RAB39A: variants seen among roughly 807,000 people sequenced by gnomAD.
RAB39A encodes ras-related protein Rab-39A.
In RAB39A, 17 loss-of-function variants were observed where a neutral mutation model predicts 20.9. The observed-to-expected ratio is 0.81, with a 90% CI of 0.56 to 1.22. The LOEUF (loss-of-function observed/expected upper bound fraction) is 1.22. Among genes scored for constraint, RAB39A ranks in the 50% most tolerant of loss-of-function variants. The pLI is 0.00. For missense variants in RAB39A, 234 were observed against 270.5 expected (o/e 0.87, Z 0.95); for synonymous variants, 99 against 103.4 (o/e 0.96, Z 0.26).
chr11:107,936,838 A>G (rs1250393760), intron 1 of RAB39A, among the ~76,000 whole-genome samples: 1 of 151,724 alleles, frequency 6.6e-6, no homozygotes, highest in Non-Finnish European at 1.5e-5. Context: ...AGGCAGGAAA[A>G]TCCCTTGAAC....
intron 1 of RAB39A, among the ~76,000 whole-genome samples, chr11:107,958,541 C>T (rs1385636088): frequency 6.6e-6 from 1 of 152,196 alleles, no homozygotes; most frequent in Non-Finnish European, 1.5e-5. Context: ...AAAAACACTA[C>T]CTGCAGGACA....
chr11:107,957,628 A>T (rs959416521), intron 1 of RAB39A, among the ~76,000 whole-genome samples: 3 of 152,212 alleles, frequency 2.0e-5, no homozygotes, highest in African/African-American at 7.2e-5. Flanking sequence ...CTAGGAGCTT[A>T]TAACCCCGAA....
chr11:107,950,355 T>C (rs974255563), intron 1 of RAB39A, among the ~76,000 whole-genome samples: 2 of 152,222 alleles, frequency 1.3e-5, no homozygotes, highest in Admixed American at 1.3e-4. Flanking sequence ...ATTTGAATGC[T>C]GCCTGGGCAC....
rs4028253 is a variant in RAB39A, at chr11:107,951,615, A to ATTTTTTTT, written c.228-10317_228-10310dup. On this transcript the variant is annotated intron_variant, in intron 1 of 1. Coordinates refer to ENST00000320578, the MANE Select transcript of RAB39A (RefSeq NM_017516.3). ...ATCTATATAATCTTGCCATTTTCAG[A>ATTTTTTTT]TTTTTTTTTTTTTTTTTTTTTGGAG... Among the ~76,000 whole-genome samples, 50 of 105,656 alleles carry ATTTTTTTT rather than the reference A, an allele frequency of 4.7e-4. 1 individual carries two copies. Among genetic ancestry groups the ATTTTTTTT allele is most frequent in the African/African-American group, 1.8e-3 (48 of 27,248 alleles). 69.3% of individuals were successfully genotyped at this position (105,656 alleles called of 152,430 possible). A position where few individuals can be genotyped will look rare whatever the true frequency, so the allele number is the denominator to read the frequency against.
At chr11:107,938,564 T>C (rs200035632) in intron 1 of RAB39A, among the ~76,000 whole-genome samples, 202 of 95,232 alleles carry the variant, frequency 2.1e-3, no homozygotes, top group African/African-American at 7.8e-3. Context: ...ACCTCGTCTA[T>C]AAAAAAAAAA....
chr11:107,951,681 G>T (rs752577852), intron 1 of RAB39A, among the ~76,000 whole-genome samples: 2 of 141,620 alleles, frequency 1.4e-5, no homozygotes, highest in Non-Finnish European at 3.0e-5. Flanking sequence ...ATTCAGTGGC[G>T]CAGTCATAGT....
intron 1 of RAB39A, among the ~76,000 whole-genome samples, chr11:107,933,001 A>G (rs1861153451): frequency 6.6e-6 from 1 of 152,148 alleles, no homozygotes; most frequent in Non-Finnish European, 1.5e-5. Context: ...GCAGTAAAGG[A>G]AACGAGAATA....
intron 1 of RAB39A, among the ~76,000 whole-genome samples, chr11:107,930,097 G>A (rs184528314): frequency 2.6e-5 from 4 of 152,310 alleles, no homozygotes; most frequent in African/African-American, 7.2e-5. Context: ...GAGATAATGA[G>A]TGAACTGCTT....
chr11:107,941,044 G>A (rs1255734011), intron 1 of RAB39A, among the ~76,000 whole-genome samples: 4 of 152,042 alleles, frequency 2.6e-5, no homozygotes, highest in Non-Finnish European at 4.4e-5. Flanking sequence ...GAAGTTCCTA[G>A]CTATAAGAGA....
chr11:107,947,981 T>TACACACAC (rs58579239), intron 1 of RAB39A, among the ~76,000 whole-genome samples: 96 of 148,764 alleles, frequency 6.5e-4, no homozygotes, highest in South Asian at 1.1e-3. Flanking sequence ...TACACACACG[T>TACACACAC]ACACACACAC....
rs1458601874 is a variant in RAB39A, at chr11:107,928,935, G to C, written c.227+140G>C. ...TCGAAAGTGCAAACACTCCATTCTC[G>C]CTTCCCCTTTGCCCCTCCTCTTCCA... On this transcript the variant is annotated intron_variant, in intron 1 of 1. Coordinates refer to ENST00000320578, the MANE Select transcript of RAB39A (RefSeq NM_017516.3). The surrounding 1 kb of genome is among the most constrained non-coding windows in gnomAD (Gnocchi z 4.9). 2 of 561,100 alleles carry C rather than the reference G, an allele frequency of 3.6e-6. No homozygotes were observed. Among genetic ancestry groups the C allele is most frequent in the Non-Finnish European group, 5.9e-6 (2 of 338,422 alleles). The allele number at this position is 561,100 out of a possible 1,614,324, so 34.8% of individuals were successfully genotyped here. A position where few individuals can be genotyped will look rare whatever the true frequency, so the allele number is the denominator to read the frequency against.
At chr11:107,947,514 T>C (rs1375179357) in intron 1 of RAB39A, among the ~76,000 whole-genome samples, 1 of 152,072 alleles carries the variant, frequency 6.6e-6, no homozygotes, top group Non-Finnish European at 1.5e-5. Context: ...AGAGAAATAA[T>C]TAGTAAAGCA....
intron 1 of RAB39A, among the ~76,000 whole-genome samples, chr11:107,953,728 T>C (rs1861405623): frequency 6.6e-6 from 1 of 152,182 alleles, no homozygotes; most frequent in South Asian, 2.1e-4. Context: ...ATTTTCACCC[T>C]TTGCTTCCCA....
chr11:107,951,043 A>G (rs986141122), intron 1 of RAB39A, among the ~76,000 whole-genome samples: 1 of 152,208 alleles, frequency 6.6e-6, no homozygotes, highest in African/African-American at 2.4e-5. Context: ...TCTTGTCAGT[A>G]TATATATGGC....
intron 1 of RAB39A, among the ~76,000 whole-genome samples, chr11:107,955,381 G>A (rs1861423739): frequency 6.6e-6 from 1 of 152,206 alleles, no homozygotes; most frequent in Non-Finnish European, 1.5e-5. Flanking sequence ...CAGGCTGCTA[G>A]AGGTACTTCA....
At position 107,928,531 on chromosome 11, in the gene RAB39A, G is replaced by GGGTGGGGCGGCCCGGGAGCC. The variant is rs765558685; in HGVS notation, c.-37_-18dup. ...GTTCCCGCCGCCGAACTTAGCCCGC[G>GGGTGGGGCGGCCCGGGAGCC]GGTGGGGCGGCCCGGGAGCCAGCGG... On this transcript the variant is annotated 5_prime_UTR_variant, in exon 1 of 2. Coordinates refer to ENST00000320578, the MANE Select transcript of RAB39A (RefSeq NM_017516.3). This position sits in a 1 kb window ranked among gnomAD's most constrained non-coding sequence, Gnocchi z 4.9. 2 of 1,390,840 alleles carry GGGTGGGGCGGCCCGGGAGCC rather than the reference G, an allele frequency of 1.4e-6. No individual in the cohort carries two copies. The highest frequency in any genetic ancestry group is 1.9e-6 in the Non-Finnish European group (2 of 1,050,616). The allele number at this position is 1,390,840 out of a possible 1,614,324, so 86.2% of individuals were successfully genotyped here.
intron 1 of RAB39A, among the ~76,000 whole-genome samples, chr11:107,944,977 G>C (rs1368055369): frequency 6.6e-6 from 1 of 151,898 alleles, no homozygotes; most frequent in African/African-American, 2.4e-5. Flanking sequence ...AAGGTAAGGA[G>C]TTCAAGACCA....
intron 1 of RAB39A, among the ~76,000 whole-genome samples, chr11:107,950,764 T>TA (rs5794581): frequency 0.6 from 78,343 of 131,154 alleles, 23,696 homozygotes; most frequent in South Asian, 0.71. Flanking sequence ...AGACCCTGTC[T>TA]AAAAAAAAAA....
At chr11:107,946,460 ATTTTTTTTTTTTTTTT>A (rs869125579) in intron 1 of RAB39A, among the ~76,000 whole-genome samples, 2 of 15,762 alleles carry the variant, frequency 1.3e-4, no homozygotes, top group African/African-American at 2.3e-4. Flanking sequence ...ATATATATAT[ATTTTTTTTTTTTTTTT>A]TTTTTTTTTT....
Sources: allele counts gnomAD v4.1 joint callset (sites outside exome capture counted in the v4.1 genomes callset), GRCh38; gene constraint gnomAD v4.1.1; non-coding constraint Gnocchi (gnomAD v3.1); transcripts MANE v1.5; gene names NCBI Gene and HGNC (gene_info 2026-07-23, HGNC 2026-07-21).